ZNF268: variants seen among roughly 807,000 people sequenced by gnomAD.
ZNF268 encodes zinc finger protein 3.
In ZNF268, 20 loss-of-function variants were observed where a neutral mutation model predicts 29.3. The ratio of observed to expected loss-of-function variants is 0.68; its 90% CI spans 0.48 to 0.99. ZNF268 has a LOEUF of 0.99. Ranked by LOEUF, ZNF268 falls within the 50% of genes least tolerant of loss-of-function variation. The pLI is 0.00. For missense variants in ZNF268, 1,240 were observed against 1,121.6 expected (o/e 1.11, Z -1.51); for synonymous variants, 429 against 376.9 (o/e 1.14, Z -1.60).
At chr12:133,193,502 A>AAG (rs1956523467) in intron 5 of ZNF268, 3 of 698,308 alleles carry the variant, frequency 4.3e-6, no homozygotes, top group Non-Finnish European at 7.8e-6. Flanking sequence ...CTGTGCTTCC[A>AAG]AGATGACGCC....
intron 5 of ZNF268, among the ~76,000 whole-genome samples, chr12:133,195,740 C>T (rs1322634493): frequency 6.6e-6 from 1 of 151,442 alleles, no homozygotes; most frequent in Non-Finnish European, 1.5e-5. Flanking sequence ...TTTTTTGAGA[C>T]AGAGTCTCGC....
chr12:133,204,473 T>C lies in ZNF268; in HGVS notation c.2787T>C (p.Phe929=). The change falls in exon 6 of 6, where the codon TTT becomes TTC. Residue 929 remains phenylalanine, a synonymous_variant. Coordinates refer to ENST00000536435, the MANE Select transcript of ZNF268 (RefSeq NM_003415.3). ...PCKCTECGKA[F]CWKSQLIMHQ... ...AGTGCACTGAATGTGGGAAAGCCTT[T>C]TGTTGGAAGTCACAGCTCATTATGC... The C allele has an allele frequency of 1.3e-6, 2 of 1,547,966 alleles. No homozygotes were observed. Among genetic ancestry groups the C allele is most frequent in the South Asian group, 2.4e-5 (2 of 84,598 alleles).
At chr12:133,187,791 C>T (rs1309179621) in intron 2 of ZNF268, 81 bp from the exon 3 acceptor site, 5 of 1,357,624 alleles carry the variant, frequency 3.7e-6, no homozygotes, top group East Asian at 5.0e-5. Flanking sequence ...GTTTCTCTCA[C>T]ATTTATGTGA....
chr12:133,185,296 C>A (rs1956282623), intron 2 of ZNF268, among the ~76,000 whole-genome samples: 1 of 152,036 alleles, frequency 6.6e-6, no homozygotes, highest in African/African-American at 2.4e-5. Context: ...CAATAGCAAG[C>A]CAGCCTTGGG....
chr12:133,197,925 T>A (rs892378246), intron 5 of ZNF268, among the ~76,000 whole-genome samples: 3 of 152,234 alleles, frequency 2.0e-5, no homozygotes, highest in African/African-American at 4.8e-5. Flanking sequence ...TTGTAGATTC[T>A]GGATATTAGC....
At position 133,207,418 on chromosome 12, in the gene ZNF268, T is replaced by C. The variant is rs944705883; in HGVS notation, c.*2888T>C. The C allele has an allele frequency of 2.0e-5, 3 of 152,240 alleles. No individual in the cohort carries two copies. Among genetic ancestry groups the C allele is most frequent in the African/African-American group, 7.2e-5 (3 of 41,462 alleles). The allele number at this position is 152,240 out of a possible 1,614,324, so 9.4% of individuals were successfully genotyped here. A position where few individuals can be genotyped will look rare whatever the true frequency, so the allele number is the denominator to read the frequency against. ...CAATGTATAGCTAACAAGAAAGTCATGATATTAGGTTTAACAGACTATTAG... is the reference window on the plus strand; with the variant it reads ...CAATGTATAGCTAACAAGAAAGTCACGATATTAGGTTTAACAGACTATTAG... On this transcript the variant is annotated 3_prime_UTR_variant, in exon 6 of 6. Coordinates refer to ENST00000536435, the MANE Select transcript of ZNF268 (RefSeq NM_003415.3).
At position 133,214,378 on chromosome 12, in the gene ZNF268, T is replaced by C. The variant is rs1259509219; in HGVS notation, c.*9848T>C. The C allele has an allele frequency of 6.6e-6, 1 of 152,094 alleles. No individual in the cohort carries two copies. Among genetic ancestry groups the C allele is most frequent in the Non-Finnish European group, 1.5e-5 (1 of 68,028 alleles). The allele number at this position is 152,094 out of a possible 1,614,324, so 9.4% of individuals were successfully genotyped here. A position where few individuals can be genotyped will look rare whatever the true frequency, so the allele number is the denominator to read the frequency against. The stretch of plus-strand genomic sequence containing the variant: ...ACAACGTGGAGGAACCTCAGAAACA[T>C]TGTGCTGAGAACCCAGCACAAGGCC... On this transcript the variant is annotated 3_prime_UTR_variant, in exon 6 of 6. Transcript: ENST00000536435.
At chr12:133,182,100 T>C in intron 2 of ZNF268, 70 bp downstream of exon 2, 7 of 1,480,396 alleles carry the variant, frequency 4.7e-6, no homozygotes, top group Non-Finnish European at 6.4e-6. Flanking sequence ...CTCCATCTAC[T>C]CCAGTCTGAA....
Position 133,208,887 on chromosome 12 carries a change from C to G in ZNF268, c.*4357C>G, listed in dbSNP as rs964774781. ...TTGTCAGTATTCATGGAGGACCCCC[C>G]CGCAACCACAGATACTCCCTGTGGA... is the stretch of plus-strand genomic sequence containing the variant. On this transcript the variant is annotated 3_prime_UTR_variant, in exon 6 of 6. Coordinates refer to ENST00000536435, the MANE Select transcript of ZNF268 (RefSeq NM_003415.3). 1.3e-5 allele frequency: 1 copy of G among 75,744 alleles called. No individual in the cohort carries two copies. Among genetic ancestry groups the G allele is most frequent in the African/African-American group, 3.8e-5 (1 of 26,262 alleles). The allele number at this position is 75,744 out of a possible 1,614,324, so 4.7% of individuals were successfully genotyped here.
At position 133,204,787 on chromosome 12, in the gene ZNF268, A is replaced by G. The variant is rs2135527167; in HGVS notation, c.*257A>G. 2.6e-6 allele frequency: 1 copy of G among 378,312 alleles called. No individual in the cohort carries two copies. 23.4% of individuals were successfully genotyped at this position (378,312 alleles called of 1,614,324 possible). ...TTAGCAGCAAGTCATACCTTTTTTT[A>G]AAAAGTTCATACAGGTGAGGAACCA... On this transcript the variant is annotated 3_prime_UTR_variant, in exon 6 of 6. Transcript: ENST00000536435.
chr12:133,202,098 G>T, intron 5 of ZNF268, 46 bp from the exon 6 acceptor site: 1 of 1,422,896 alleles, frequency 7.0e-7, no homozygotes, highest in South Asian at 1.4e-5. Context: ...CTAGTATACC[G>T]CAATCATGTG....
rs867240141 is a variant in ZNF268, at chr12:133,204,445, G to A, written c.2759G>A (p.Cys920Tyr). ...AGAACACATACAGGAGAGAAGCCTT[G>A]TAAGTGCACTGAATGTGGGAAAGCC... ...HQRTHTGEKP[C>Y]KCTECGKAFC... The change falls in exon 6 of 6, where the codon TGT becomes TAT. Residue 920 changes from cysteine to tyrosine, a missense_variant. By Grantham distance (194) the Cys-to-Tyr change is radical. This residue lies in a region of ZNF268 where 1,177 missense variants were observed against 1,039.6 expected (regional missense o/e 1.13). Transcript: ENST00000536435. 1 of 1,553,740 alleles carries A rather than the reference G, an allele frequency of 6.4e-7. No homozygotes were observed. The highest frequency in any genetic ancestry group is 1.4e-5 in the African/African-American group (1 of 73,012).
At chr12:133,187,461 TG>T (rs1382275669) in intron 2 of ZNF268, among the ~76,000 whole-genome samples, 2 of 152,152 alleles carry the variant, frequency 1.3e-5, no homozygotes, top group Admixed American at 1.3e-4. Context: ...TCAGATATTT[TG>T]GTTATGTTTT....
chr12:133,203,531 T>G lies in ZNF268; in HGVS notation c.1845T>G (p.Ser615Arg), dbSNP rs1388826439. The G allele has an allele frequency of 1.3e-6, 2 of 1,549,050 alleles. No individual in the cohort carries two copies. Among genetic ancestry groups the G allele is most frequent in the Non-Finnish European group, 1.7e-6 (2 of 1,150,850 alleles). The change falls in exon 6 of 6, where the codon AGT (serine) becomes AGG (arginine). Residue 615 changes from serine (S) to arginine (R), a missense_variant. Physicochemically the swap from Ser to Arg is moderately radical, Grantham distance 110 (BLOSUM62 -1). Around this residue, in one of 3 missense-constraint regions of ZNF268, gnomAD observed 1,177 missense variants for 1,039.6 expected, o/e 1.13. Coordinates refer to ENST00000536435, the MANE Select transcript of ZNF268 (RefSeq NM_003415.3). ...CAGGGGAGAAACCATTTGAATGTAG[T>G]GAGTGTCAGAAAGCCTTTAATACAA... is the stretch of plus-strand genomic sequence containing the variant. The part of the protein sequence containing the change: ...THTGEKPFEC[S>R]ECQKAFNTKS...
In ZNF268 at chr12:133,204,648, A is replaced by C. The variant is rs1593933782; in HGVS notation, c.*118A>C. 1 of 549,514 alleles carries C rather than the reference A, an allele frequency of 1.8e-6. No individual in the cohort carries two copies. The highest frequency in any genetic ancestry group is 2.8e-6 in the Non-Finnish European group (1 of 356,362). 34.0% of individuals were successfully genotyped at this position (549,514 alleles called of 1,614,324 possible). ...TCCAGAAAACTCATACTGAATAGAA[A>C]CTTTATGAATGCACAGCATATGGAA... On this transcript the variant is annotated 3_prime_UTR_variant, in exon 6 of 6. Coordinates refer to ENST00000536435, the MANE Select transcript of ZNF268 (RefSeq NM_003415.3).
Position 133,204,568 on chromosome 12 carries a change from A to T in ZNF268, c.*38A>T. 7.2e-7 allele frequency: 1 copy of T among 1,394,742 alleles called. No homozygotes were observed. The highest frequency in any genetic ancestry group is 9.5e-7 in the Non-Finnish European group (1 of 1,054,494). 86.4% of individuals were successfully genotyped at this position (1,394,742 alleles called of 1,614,324 possible). On this transcript the variant is annotated 3_prime_UTR_variant, in exon 6 of 6. Transcript: ENST00000536435. ...ACTCTGAAAAGTGGATTCACAAGAG[A>T]TAGAAACAATCATATATAAAGAGAA...
In ZNF268 at chr12:133,187,857, C is replaced by G. The variant is rs143615562; in HGVS notation, c.34-15C>G. 4.9e-4 allele frequency: 766 copies of G among 1,573,678 alleles called. 3 individuals are homozygous for G. In the African/African-American group the frequency reaches 9.3e-3, roughly 19 times the overall value. On this transcript the variant is annotated splice_polypyrimidine_tract_variant and intron_variant, in intron 2 of 5. Coordinates refer to ENST00000536435, the MANE Select transcript of ZNF268 (RefSeq NM_003415.3). ...AATAATGCTCGCTAAAGTAAATTTG[C>G]TCTTGAGTCCACAGGTCCCACCTCT...
Position 133,198,302 on chromosome 12 carries a change from T to C in ZNF268, c.458-3842T>C, listed in dbSNP as rs1230329956. The stretch of plus-strand genomic sequence containing the variant: ...TTTATTAAATAGGGAATCCTTTCCC[T>C]ATTGCTTGTTTTTGTCAGGTTTGTC... On this transcript the variant is annotated intron_variant, in intron 5 of 5. Transcript: ENST00000536435. 6.9e-3 allele frequency among the ~76,000 whole-genome samples: 1,041 copies of C among 150,764 alleles called. 8 individuals are homozygous for C. The highest frequency in any genetic ancestry group is 0.024 in the African/African-American group (990 of 40,592).
intron 2 of ZNF268, among the ~76,000 whole-genome samples, chr12:133,185,922 T>C (rs947500281): frequency 2.0e-5 from 3 of 152,314 alleles, no homozygotes; most frequent in Middle Eastern, 3.4e-3. Context: ...GTGTGGTTTA[T>C]TTTCATTAAG....
Sources: allele counts gnomAD v4.1 joint callset (sites outside exome capture counted in the v4.1 genomes callset), GRCh38; gene constraint gnomAD v4.1.1; regional missense constraint gnomAD v4.1.1; transcripts MANE v1.5; gene names NCBI Gene and HGNC (gene_info 2026-07-23, HGNC 2026-07-21).